The following TRHDE variants were observed in gnomAD, a reference collection of about 807,000 sequenced individuals.
The protein encoded by TRHDE is thyrotropin releasing hormone degrading enzyme.
A neutral mutation model predicts 125.7 loss-of-function variants in TRHDE; 72 were observed. That is an observed-to-expected ratio of 0.57 (90% CI 0.47 to 0.70). TRHDE has a LOEUF of 0.70. Among genes scored for constraint, TRHDE ranks in the 30% least tolerant of loss-of-function variants. TRHDE has a pLI of 0.00. For missense variants in TRHDE, 1,110 were observed against 1,327.1 expected (o/e 0.84, Z 2.54); for synonymous variants, 509 against 509.1 (o/e 1.00, Z 0.00).
intron 1 of TRHDE, among the ~76,000 whole-genome samples, chr12:72,096,735 G>A (rs949392375): frequency 6.6e-6 from 1 of 152,156 alleles, no homozygotes; most frequent in East Asian, 1.9e-4. Context: ...AGCCAAAATA[G>A]CATTTTATTT....
At chr12:72,492,112 GGCT>G (rs1877711280) in intron 5 of TRHDE, among the ~76,000 whole-genome samples, 2 of 151,892 alleles carry the variant, frequency 1.3e-5, no homozygotes, top group Admixed American at 1.3e-4. Flanking sequence ...TGTTTTAACA[GGCT>G]GCAAGAGAAA....
chr12:72,455,086 GAGGA>G (rs1302340826), intron 3 of TRHDE, among the ~76,000 whole-genome samples: 1 of 152,084 alleles, frequency 6.6e-6, no homozygotes, highest in East Asian at 1.9e-4. Flanking sequence ...GGTCAGGAAG[GAGGA>G]AGGGAGAGAT....
intron 3 of TRHDE, among the ~76,000 whole-genome samples, chr12:72,455,910 G>C (rs1875820004): frequency 6.6e-6 from 1 of 151,766 alleles, no homozygotes; most frequent in African/African-American, 2.4e-5. Flanking sequence ...CTTTCAGTAT[G>C]AATTTAGAAT....
At chr12:72,386,802 C>T (rs974661094) in intron 3 of TRHDE, among the ~76,000 whole-genome samples, 3 of 152,132 alleles carry the variant, frequency 2.0e-5, no homozygotes, top group Non-Finnish European at 4.4e-5. Context: ...GAGCTATCAG[C>T]GGCATCTGAC....
intron 3 of TRHDE, among the ~76,000 whole-genome samples, chr12:72,417,014 CT>C (rs896045975): frequency 1.2e-4 from 18 of 151,972 alleles, no homozygotes; most frequent in African/African-American, 2.9e-4. Flanking sequence ...ATATCTGCCC[CT>C]TTTTTTGTGT....
intron 3 of TRHDE, among the ~76,000 whole-genome samples, chr12:72,468,826 GCATTTCTGTAC>G (rs1876507356): frequency 6.6e-6 from 1 of 152,176 alleles, no homozygotes; most frequent in Non-Finnish European, 1.5e-5. Flanking sequence ...TCACCACTTT[GCATTTCTGTAC>G]CATTTCTGGT....
chr12:72,134,394 G>C (rs941875710), intron 2 of TRHDE, among the ~76,000 whole-genome samples: 1 of 152,082 alleles, frequency 6.6e-6, no homozygotes, highest in Non-Finnish European at 1.5e-5. Context: ...TAAGAAGTAG[G>C]ATAAGGAAGA....
intron 6 of TRHDE, among the ~76,000 whole-genome samples, chr12:72,527,553 G>A: frequency 1.3e-5 from 2 of 150,272 alleles, no homozygotes; most frequent in African/African-American, 2.4e-5. Flanking sequence ...TCTCTCAAAA[G>A]GGAATATTAT....
At chr12:72,637,781 C>G (rs370734973) in intron 15 of TRHDE, among the ~76,000 whole-genome samples, 1 of 152,140 alleles carries the variant, frequency 6.6e-6, no homozygotes, top group South Asian at 2.1e-4. Flanking sequence ...CATTCAGGAG[C>G]AGGTTGTTCA....
chr12:72,591,842 A>G (rs562302730), intron 12 of TRHDE, among the ~76,000 whole-genome samples: 5 of 151,562 alleles, frequency 3.3e-5, no homozygotes, highest in East Asian at 1.9e-4. Flanking sequence ...ATAGTTTCTG[A>G]TGAGAAATCA....
intron 7 of TRHDE, among the ~76,000 whole-genome samples, chr12:72,545,832 A>G (rs1434916486): frequency 5.3e-5 from 8 of 151,646 alleles, no homozygotes; most frequent in African/African-American, 1.9e-4. Flanking sequence ...TAGATGTTAT[A>G]TGCTAAGAAC....
intron 3 of TRHDE, among the ~76,000 whole-genome samples, chr12:72,381,062 A>C (rs1872152514): frequency 6.6e-6 from 1 of 152,070 alleles, no homozygotes; most frequent in Admixed American, 6.5e-5. Flanking sequence ...CCTCAGGTGC[A>C]TTTGGTAATA....
chr12:72,259,875 T>A (rs1039620867), intron 2 of TRHDE, among the ~76,000 whole-genome samples: 5 of 152,228 alleles, frequency 3.3e-5, no homozygotes, highest in African/African-American at 1.2e-4. Context: ...AGGCAAGCAC[T>A]GGCCTCATTT....
At chr12:72,255,817 T>C (rs994892974) in intron 2 of TRHDE, 7 of 152,218 alleles carry the variant, frequency 4.6e-5, no homozygotes, top group Non-Finnish European at 8.8e-5. Flanking sequence ...TCCAGGGCCA[T>C]TCAGGGAACT....
chr12:72,428,409 T>G (rs1285723706), intron 3 of TRHDE, among the ~76,000 whole-genome samples: 2 of 152,132 alleles, frequency 1.3e-5, no homozygotes, highest in African/African-American at 4.8e-5. Context: ...TGGGTGTATA[T>G]GTATATATTT....
chr12:72,225,226 T>A (rs1179674778), intron 2 of TRHDE, among the ~76,000 whole-genome samples: 2 of 152,190 alleles, frequency 1.3e-5, no homozygotes, highest in African/African-American at 4.8e-5. Flanking sequence ...TAGTTAGAGA[T>A]GTAGTCTTGC....
rs1016116086 is a variant in TRHDE at position 72,670,497 on chromosome 12, T to G, written c.*7302T>G. On this transcript the variant is annotated 3_prime_UTR_variant, in exon 19 of 19. Coordinates refer to ENST00000261180, the MANE Select transcript of TRHDE (RefSeq NM_013381.3). Reference sequence around the variant, plus strand: ...GTGTCACAATTTAAAAAGTTTTAATTTTCTGACATGCAGATAAGGCCAAAA... The same window carrying G: ...GTGTCACAATTTAAAAAGTTTTAATGTTCTGACATGCAGATAAGGCCAAAA... 5.3e-5 allele frequency: 8 copies of G among 151,708 alleles called. No homozygotes were observed. The highest frequency in any genetic ancestry group is 1.2e-4 in the Non-Finnish European group (8 of 67,780). The allele number at this position is 151,708 out of a possible 1,614,324, so 9.4% of individuals were successfully genotyped here. A position where few individuals can be genotyped will look rare whatever the true frequency, so the allele number is the denominator to read the frequency against.
chr12:72,300,692 G>GTA (rs766180109), intron 2 of TRHDE, among the ~76,000 whole-genome samples: 10 of 151,512 alleles, frequency 6.6e-5, no homozygotes, highest in Non-Finnish European at 1.5e-4. Flanking sequence ...TACACACACA[G>GTA]TATATATATG....
At chr12:72,172,605 A>G (rs1050311534) in intron 2 of TRHDE, among the ~76,000 whole-genome samples, 1 of 152,176 alleles carries the variant, frequency 6.6e-6, no homozygotes, top group African/African-American at 2.4e-5. Flanking sequence ...GGGCACCAAT[A>G]TGAGTAGGGG....
Sources: allele counts gnomAD v4.1 joint callset (sites outside exome capture counted in the v4.1 genomes callset), GRCh38; gene constraint gnomAD v4.1.1; transcripts MANE v1.5; gene names NCBI Gene and HGNC (gene_info 2026-07-23, HGNC 2026-07-21).